The following CARMIL1 variants were observed in gnomAD, a reference collection of about 807,000 sequenced individuals.
CARMIL1 encodes the protein F-actin-uncapping protein LRRC16A.
Under a neutral mutation model 177.1 loss-of-function variants are expected in CARMIL1, and 90 were observed. That is an observed-to-expected ratio of 0.51 (90% confidence interval 0.43 to 0.61). The LOEUF (loss-of-function observed/expected upper bound fraction) is 0.61, where lower values mean the gene tolerates loss of function less well. CARMIL1 is among the 20% of genes least tolerant of loss of function. The probability of loss-of-function intolerance (pLI) is 0.00; values close to 1 mark genes in which losing one functional copy is unlikely to be tolerated. For synonymous variants in CARMIL1, 577 were observed against 606.2 expected, an observed-to-expected ratio of 0.95 and a Z score of 0.71; for missense variants, 1,380 against 1,667.0, an observed-to-expected ratio of 0.83 and a Z score of 3.00.
chr6:25,526,340 C>T (rs1807134350), intron 23 of CARMIL1, among the ~76,000 whole-genome samples: 1 of 149,304 alleles, frequency 6.7e-6, no homozygotes, highest in African/African-American at 2.5e-5. Context: ...AAGACTCCGT[C>T]TCAAAAAAAA....
chr6:25,446,059 C>T (rs887476548), intron 5 of CARMIL1, among the ~76,000 whole-genome samples: 6 of 152,136 alleles, frequency 3.9e-5, no homozygotes, highest in Non-Finnish European at 5.9e-5. Flanking sequence ...TCTGCTATCA[C>T]CCAGGCTTTC....
intron 3 of CARMIL1, among the ~76,000 whole-genome samples, chr6:25,424,237 TCTGC>T (rs1796106045): frequency 6.6e-6 from 1 of 152,212 alleles, no homozygotes; most frequent in Admixed American, 6.5e-5. Context: ...TTCTTTTTCT[TCTGC>T]CTGAATTTCC....
chr6:25,333,038 G>A (rs891798722), intron 2 of CARMIL1, among the ~76,000 whole-genome samples: 2 of 152,160 alleles, frequency 1.3e-5, no homozygotes, highest in African/African-American at 4.8e-5. Flanking sequence ...TTTACACTCA[G>A]ATGTGATTCC....
intron 17 of CARMIL1, among the ~76,000 whole-genome samples, chr6:25,502,388 C>T (rs762866782): frequency 5.1e-4 from 78 of 151,848 alleles, no homozygotes; most frequent in Non-Finnish European, 1.0e-4. Context: ...GACCCTGTCT[C>T]TACTAAAAAT....
intron 2 of CARMIL1, chr6:25,383,663 G>A (rs1055801882): frequency 1.3e-5 from 2 of 152,106 alleles, no homozygotes; most frequent in African/African-American, 2.4e-5. Flanking sequence ...GGCCCCTGTC[G>A]AAGGATGACA....
At chr6:25,419,652 A>G (rs7775145) in intron 2 of CARMIL1, among the ~76,000 whole-genome samples, 52,806 of 152,044 alleles carry the variant, frequency 0.35, 9,594 homozygotes, top group East Asian at 0.53. Flanking sequence ...TGCATTATAT[A>G]AATGTTAGCT....
chr6:25,307,802 G>T (rs1220398117), intron 2 of CARMIL1, among the ~76,000 whole-genome samples: 1 of 152,220 alleles, frequency 6.6e-6, no homozygotes, highest in African/African-American at 2.4e-5. Flanking sequence ...GGACCACTCT[G>T]CAGGCATCTA....
rs1442900415 is a variant in CARMIL1, at chr6:25,556,819, T to C, written c.2711T>C (p.Ile904Thr). ...ATCACAGTGGAGGAGCTAACAGAGA[T>C]AGAGCGTTTGGAAGATCTGGATACC... Reference protein sequence around the residue: ...SIITVEELTEIERLEDLDTCM... With the variant: ...SIITVEELTETERLEDLDTCM... Residue 904 changes from isoleucine (I) to threonine (T), a missense_variant, in exon 29 of 37, where the codon ATA (isoleucine) becomes ACA (threonine). Ile to Thr is a moderately conservative substitution (Grantham distance 89). Coordinates refer to ENST00000329474, the MANE Select transcript of CARMIL1 (RefSeq NM_017640.6). 6.2e-7 allele frequency: 1 copy of C among 1,613,352 alleles called. No individual in the cohort carries two copies. The highest frequency in any genetic ancestry group is 8.5e-7 in the Non-Finnish European group (1 of 1,179,678).
Position 25,583,829 on chromosome 6 carries a change from C to A in CARMIL1, c.3006+2390C>A, listed in dbSNP as rs560561724. Among the ~76,000 whole-genome samples the A allele has an allele frequency of 4.6e-5, 7 of 151,724 alleles. No individual in the cohort carries two copies. The East Asian group carries it at 7.8e-4, about 17-fold the overall frequency. On this transcript the variant is annotated intron_variant, in intron 31 of 36. Transcript: ENST00000329474. ...AGATAGATAAAAAGACAACCCCCCCCACCCGCCTCCCGCCCAACAACCCAC... is the reference window on the plus strand; with the variant it reads ...AGATAGATAAAAAGACAACCCCCCCAACCCGCCTCCCGCCCAACAACCCAC...
intron 16 of CARMIL1, 44 bp downstream of exon 16, chr6:25,495,259 T>G: frequency 7.3e-7 from 1 of 1,363,470 alleles, no homozygotes; most frequent in Non-Finnish European, 1.0e-6. Flanking sequence ...AAAGTTCAAC[T>G]TATTTTTACG....
chr6:25,425,347 C>T (rs1234733967), intron 3 of CARMIL1, among the ~76,000 whole-genome samples: 1 of 152,106 alleles, frequency 6.6e-6, no homozygotes, highest in African/African-American at 2.4e-5. Flanking sequence ...ATTTACTTCC[C>T]TCCCCACTAT....
chr6:25,614,779 A>G (rs1816767014), intron 36 of CARMIL1, among the ~76,000 whole-genome samples: 1 of 152,230 alleles, frequency 6.6e-6, no homozygotes, highest in Non-Finnish European at 1.5e-5. Flanking sequence ...CCCAGTGCCT[A>G]TTGATCATCC....
At chr6:25,394,057 G>T (rs1793136835) in intron 2 of CARMIL1, among the ~76,000 whole-genome samples, 1 of 152,040 alleles carries the variant, frequency 6.6e-6, no homozygotes, top group South Asian at 2.1e-4. Flanking sequence ...TGTTAAGTGA[G>T]CACCCACATA....
chr6:25,448,633 G>A (rs373363770), intron 5 of CARMIL1, among the ~76,000 whole-genome samples: 2 of 152,112 alleles, frequency 1.3e-5, no homozygotes, highest in African/African-American at 2.4e-5. Context: ...CCTCGCTTTC[G>A]CCCTGAACTT....
At chr6:25,403,509 C>T (rs1352173354) in intron 2 of CARMIL1, among the ~76,000 whole-genome samples, 2 of 152,172 alleles carry the variant, frequency 1.3e-5, no homozygotes, top group African/African-American at 2.4e-5. Flanking sequence ...GCTCACCTCA[C>T]CCCCACCTTA....
At chr6:25,319,975 C>G (rs906924917) in intron 2 of CARMIL1, among the ~76,000 whole-genome samples, 4 of 152,102 alleles carry the variant, frequency 2.6e-5, no homozygotes, top group African/African-American at 9.7e-5. Flanking sequence ...ATGAAGAAAA[C>G]TTACTTGCAC....
At chr6:25,430,397 A>T (rs1796642885) in intron 4 of CARMIL1, among the ~76,000 whole-genome samples, 1 of 150,774 alleles carries the variant, frequency 6.6e-6, no homozygotes, top group South Asian at 2.1e-4. Flanking sequence ...TTACTGGTGA[A>T]ATTATTTGGG....
chr6:25,574,553 T>C lies in CARMIL1; in HGVS notation c.2743-6371T>C, dbSNP rs184127020. Among the ~76,000 whole-genome samples, 6 of 152,354 alleles carry C rather than the reference T, an allele frequency of 3.9e-5. No homozygotes were observed. In the East Asian group the frequency reaches 1.2e-3, roughly 29 times the overall value. On this transcript the variant is annotated intron_variant, in intron 29 of 36. Coordinates refer to ENST00000329474, the MANE Select transcript of CARMIL1 (RefSeq NM_017640.6). ...TTGACCACTACTAACAATCTCAAGC[T>C]TCTCCCCGTTTCTCCTGAGGCACTC... is the stretch of plus-strand genomic sequence containing the variant.
Position 25,619,325 on chromosome 6 carries a change from A to C in CARMIL1, c.3980-122A>C, listed in dbSNP as rs1759543792. 1.6e-5 allele frequency: 14 copies of C among 851,744 alleles called. No homozygotes were observed. In the South Asian group the frequency reaches 2.8e-4, roughly 17 times the overall value. 52.8% of individuals were successfully genotyped at this position (851,744 alleles called of 1,614,324 possible). ...CATAATAGCAAGTTTGTTTCTGAGAAAGTTCACCCTGGCCCCCTCCCCTCC... is the reference window on the plus strand; with the variant it reads ...CATAATAGCAAGTTTGTTTCTGAGACAGTTCACCCTGGCCCCCTCCCCTCC... On this transcript the variant is annotated intron_variant, in intron 36 of 36. Transcript: ENST00000329474.
Sources: allele counts gnomAD v4.1 joint callset (sites outside exome capture counted in the v4.1 genomes callset), GRCh38; gene constraint gnomAD v4.1.1; transcripts MANE v1.5; gene names NCBI Gene and HGNC (gene_info 2026-07-23, HGNC 2026-07-21).